Variants in ITGAV observed in about 807,000 individuals in gnomAD.
ITGAV encodes integrin alpha-V.
A neutral mutation model predicts 143.8 loss-of-function variants in ITGAV; 76 were observed. The ratio of observed to expected loss-of-function variants is 0.53; its 90% CI spans 0.44 to 0.64. ITGAV has a LOEUF of 0.64. Ranked by LOEUF, ITGAV falls within the 30% of genes least tolerant of loss-of-function variation. The probability of loss-of-function intolerance (pLI) is 0.00; values close to 1 mark genes in which losing one functional copy is unlikely to be tolerated. For missense variants in ITGAV, 1,193 were observed against 1,274.7 expected, an observed-to-expected ratio of 0.94 and a Z score of 0.98; for synonymous variants, 453 against 446.7, an observed-to-expected ratio of 1.01 and a Z score of -0.18.
chr2:186,645,793 C>G (rs1574487566), intron 12 of ITGAV, among the ~76,000 whole-genome samples: 1 of 151,998 alleles, frequency 6.6e-6, no homozygotes, highest in East Asian at 1.9e-4. Context: ...CCGTGAAACC[C>G]CGTCTCTACT....
At chr2:186,625,623 G>A in intron 4 of ITGAV, 36 bp downstream of exon 4, 3 of 1,408,204 alleles carry the variant, frequency 2.1e-6, no homozygotes, top group South Asian at 1.2e-5. Context: ...TTTAAGAAGA[G>A]GGGTGGGAAG....
chr2:186,598,399 CTT>C (rs1686807331), intron 1 of ITGAV, among the ~76,000 whole-genome samples: 1 of 148,380 alleles, frequency 6.7e-6, no homozygotes, highest in Non-Finnish European at 1.5e-5. Context: ...GAGCTGCTCT[CTT>C]AGTTATGGGA....
chr2:186,629,588 TA>T (rs957903153), intron 4 of ITGAV, among the ~76,000 whole-genome samples: 1 of 151,950 alleles, frequency 6.6e-6, no homozygotes, highest in East Asian at 1.9e-4. Flanking sequence ...AAAAAAACTT[TA>T]AAAAAATTTA....
At chr2:186,674,955 C>A (rs1689167997) in intron 26 of ITGAV, among the ~76,000 whole-genome samples, 1 of 152,046 alleles carries the variant, frequency 6.6e-6, no homozygotes, top group African/African-American at 2.4e-5. Flanking sequence ...TTATCAATGC[C>A]CTTTCTCAGG....
In ITGAV at chr2:186,679,385, A is replaced by G. The variant is rs1429855554; in HGVS notation, c.*2093A>G. The G allele has an allele frequency of 6.6e-6, 1 of 151,970 alleles. No individual in the cohort carries two copies. The highest frequency in any genetic ancestry group is 1.9e-4 in the East Asian group (1 of 5,196). 9.4% of individuals were successfully genotyped at this position (151,970 alleles called of 1,614,324 possible). On this transcript the variant is annotated 3_prime_UTR_variant, in exon 30 of 30. Transcript: ENST00000261023. ...ATATCTTAAATTACCTTTATGAAAT[A>G]TAGTTTTGTATAATAGCATAGATTT...
chr2:186,631,385 AAATT>A (rs1449363987), intron 5 of ITGAV, among the ~76,000 whole-genome samples: 3 of 152,194 alleles, frequency 2.0e-5, no homozygotes, highest in Non-Finnish European at 2.9e-5. Context: ...ATTTTTAACT[AAATT>A]AATATTCTCT....
At chr2:186,602,218 T>A in intron 2 of ITGAV, 67 bp downstream of exon 2, 1 of 1,388,636 alleles carries the variant, frequency 7.2e-7, no homozygotes, top group Non-Finnish European at 1.0e-6. Flanking sequence ...ATTGGTTTAG[T>A]TTAAATGTAG....
chr2:186,649,746 A>G (rs1688371384), intron 13 of ITGAV, 94 bp from the exon 14 acceptor site: 1 of 844,378 alleles, frequency 1.2e-6, no homozygotes, highest in Non-Finnish European at 1.8e-6. Flanking sequence ...GAATTTGTTC[A>G]AACCTTTTTA....
At chr2:186,593,792 A>G (rs563343041) in intron 1 of ITGAV, among the ~76,000 whole-genome samples, 1 of 152,172 alleles carries the variant, frequency 6.6e-6, no homozygotes, top group African/African-American at 2.4e-5. Context: ...TGGTGTGAGT[A>G]GAGGGTAAGG....
At chr2:186,651,505 A>G (rs1020403106) in intron 14 of ITGAV, among the ~76,000 whole-genome samples, 3 of 152,222 alleles carry the variant, frequency 2.0e-5, no homozygotes, top group Admixed American at 2.0e-4. Flanking sequence ...TTCTATTAGA[A>G]ATATTCTATG....
At chr2:186,658,768 GTGTT>G (rs10563192) in intron 17 of ITGAV, among the ~76,000 whole-genome samples, 6,054 of 152,170 alleles carry the variant, frequency 0.04, 260 homozygotes, top group African/African-American at 0.1. Flanking sequence ...TTGGGTGTGT[GTGTT>G]TGAGTGCTCA....
chr2:186,614,051 A>C (rs752233609), intron 2 of ITGAV, among the ~76,000 whole-genome samples: 17 of 152,258 alleles, frequency 1.1e-4, no homozygotes, highest in Admixed American at 3.3e-4. Flanking sequence ...TACATGTAAG[A>C]GATGAAAATG....
intron 24 of ITGAV, 181 bp downstream of exon 24, chr2:186,667,957 T>G (rs1688946328): frequency 1.1e-5 from 4 of 353,170 alleles, no homozygotes; most frequent in Non-Finnish European, 2.0e-5. Context: ...ATTTGACAAA[T>G]AGACTTGTTT....
At chr2:186,606,070 A>T (rs957458987) in intron 2 of ITGAV, among the ~76,000 whole-genome samples, 6 of 152,250 alleles carry the variant, frequency 3.9e-5, no homozygotes, top group Middle Eastern at 6.8e-3. Flanking sequence ...AGTCAAGAAA[A>T]TGTATATCTA....
intron 12 of ITGAV, 37 bp from the exon 13 acceptor site, chr2:186,646,649 G>A (rs201908459): frequency 4.8e-6 from 7 of 1,465,780 alleles, no homozygotes; most frequent in African/African-American, 1.4e-5. Flanking sequence ...CCTTACTTCT[G>A]TCATTCTCCT....
chr2:186,667,768 A>T lies in ITGAV; in HGVS notation c.2425A>T (p.Ile809Phe). 1 of 1,599,970 alleles carries T rather than the reference A, an allele frequency of 6.3e-7. No individual in the cohort carries two copies. Among genetic ancestry groups the T allele is most frequent in the Non-Finnish European group, 8.5e-7 (1 of 1,170,368 alleles). The change falls in exon 24 of 30, where the codon ATC (isoleucine) becomes TTC (phenylalanine). Residue 809 changes from isoleucine (I) to phenylalanine (F), a missense_variant. Physicochemically the swap from Ile to Phe is conservative, Grantham distance 21. Coordinates refer to ENST00000261023, the MANE Select transcript of ITGAV (RefSeq NM_002210.5). ...AGATGTTGGGCCAGTTGTTCAGCAC[A>T]TCTATGAGGTTTGCAGTTGTTAGAT... ...EEDVGPVVQH[I>F]YELRNNGPSS...
chr2:186,600,370 C>A, intron 1 of ITGAV: 1 of 1,530,202 alleles, frequency 6.5e-7, no homozygotes, highest in Non-Finnish European at 8.9e-7. Context: ...TCCTGTACAT[C>A]TTAATGTTGT....
At chr2:186,650,992 G>A (rs1016655987) in intron 14 of ITGAV, among the ~76,000 whole-genome samples, 2 of 152,206 alleles carry the variant, frequency 1.3e-5, no homozygotes, top group Non-Finnish European at 2.9e-5. Context: ...CACAAGGTCA[G>A]TATGTAATGA....
At chr2:186,675,346 C>T (rs1404865431) in intron 26 of ITGAV, among the ~76,000 whole-genome samples, 1 of 152,102 alleles carries the variant, frequency 6.6e-6, no homozygotes, top group African/African-American at 2.4e-5. Flanking sequence ...CTTTCTATAA[C>T]AAATCACGAT....
Sources: allele counts gnomAD v4.1 joint callset (sites outside exome capture counted in the v4.1 genomes callset), GRCh38; gene constraint gnomAD v4.1.1; transcripts MANE v1.5; gene names NCBI Gene and HGNC (gene_info 2026-07-23, HGNC 2026-07-21).